The following ST3GAL6 variants were observed in gnomAD, a reference collection of about 807,000 sequenced individuals.
ST3GAL6 encodes type 2 lactosamine alpha-2,3-sialyltransferase.
A neutral mutation model predicts 40.5 loss-of-function variants in ST3GAL6; 31 were observed. The ratio of observed to expected loss-of-function variants is 0.77; its 90% CI spans 0.58 to 1.03. ST3GAL6 has a LOEUF of 1.03. ST3GAL6 is among the 50% of genes least tolerant of loss of function. ST3GAL6 has a pLI of 0.00. For missense variants in ST3GAL6, 357 were observed against 393.2 expected (o/e 0.91, Z 0.78); for synonymous variants, 129 against 136.9 (o/e 0.94, Z 0.40).
At chr3:98,738,483 G>A (rs914354172) in intron 1 of ST3GAL6, among the ~76,000 whole-genome samples, 3 of 152,082 alleles carry the variant, frequency 2.0e-5, no homozygotes. Flanking sequence ...TCACTGAGTT[G>A]CCCAGTCTAG....
intron 1 of ST3GAL6, among the ~76,000 whole-genome samples, chr3:98,739,442 T>C: frequency 6.6e-6 from 1 of 152,148 alleles, no homozygotes; most frequent in East Asian, 1.9e-4. Flanking sequence ...CACAGACCTC[T>C]TGTCTTTGAG....
rs892070457 is a variant in ST3GAL6, at chr3:98,772,794, C to G, written c.168-19C>G. 4 of 1,589,528 alleles carry G rather than the reference C, an allele frequency of 2.5e-6. No individual in the cohort carries two copies. Among genetic ancestry groups the G allele is most frequent in the Non-Finnish European group, 3.5e-6 (4 of 1,158,770 alleles). On this transcript the variant is annotated intron_variant, in intron 3 of 9. Transcript: ENST00000483910. Reference sequence around the variant, plus strand: ...ATAGTAGGTATTTGGCAAAATCATTCTTTATCCTTTCCTTCCAGGTTTCAT... The same window carrying G: ...ATAGTAGGTATTTGGCAAAATCATTGTTTATCCTTTCCTTCCAGGTTTCAT...
chr3:98,747,300 T>A (rs1936635354), intron 1 of ST3GAL6, among the ~76,000 whole-genome samples: 1 of 152,236 alleles, frequency 6.6e-6, no homozygotes, highest in Non-Finnish European at 1.5e-5. Flanking sequence ...TATTATAGAT[T>A]CACATAAACT....
At chr3:98,779,326 A>G (rs577874587) in intron 5 of ST3GAL6, among the ~76,000 whole-genome samples, 1 of 152,340 alleles carries the variant, frequency 6.6e-6, no homozygotes, top group East Asian at 1.9e-4. Flanking sequence ...TGTCTAGATG[A>G]AACATTGGCA....
intron 1 of ST3GAL6, among the ~76,000 whole-genome samples, chr3:98,766,219 G>A (rs561412227): frequency 2.6e-5 from 4 of 152,048 alleles, no homozygotes; most frequent in Admixed American, 1.3e-4. Context: ...CCATACCTCC[G>A]TGTTCTGTAG....
At chr3:98,771,698 A>G (rs1252660225) in intron 3 of ST3GAL6, among the ~76,000 whole-genome samples, 1 of 152,104 alleles carries the variant, frequency 6.6e-6, no homozygotes, top group African/African-American at 2.4e-5. Context: ...AGATCCCTTT[A>G]CAATCAATCA....
At chr3:98,783,522 T>C (rs1940389294) in intron 5 of ST3GAL6, 2 of 974,644 alleles carry the variant, frequency 2.1e-6, no homozygotes, top group Non-Finnish European at 1.2e-6. Context: ...AAATCAAATA[T>C]AATATGTCTG....
At chr3:98,758,501 G>C (rs1380555172), upstream of ST3GAL6, among the ~76,000 whole-genome samples, 3 of 152,150 alleles carry the variant, frequency 2.0e-5, no homozygotes, top group Non-Finnish European at 2.9e-5. Context: ...GCATAAAAAA[G>C]ATATGGTTTC....
intron 1 of ST3GAL6, among the ~76,000 whole-genome samples, chr3:98,735,510 G>A (rs1433937502): frequency 1.3e-5 from 2 of 152,154 alleles, no homozygotes; most frequent in African/African-American, 4.8e-5. Flanking sequence ...ATCAGGGTCT[G>A]GCGAAATCTA....
chr3:98,742,011 C>T (rs946500323), intron 1 of ST3GAL6, among the ~76,000 whole-genome samples: 2 of 152,092 alleles, frequency 1.3e-5, no homozygotes, highest in Non-Finnish European at 2.9e-5. Context: ...TGGCCTCGAA[C>T]CTTTCAGTAC....
At chr3:98,739,850 C>T (rs949379709) in intron 1 of ST3GAL6, among the ~76,000 whole-genome samples, 3 of 152,084 alleles carry the variant, frequency 2.0e-5, no homozygotes, top group African/African-American at 7.2e-5. Flanking sequence ...ATAATCCAGG[C>T]ATTCAAATAG....
chr3:98,789,209 A>G (rs1321917426), intron 8 of ST3GAL6, among the ~76,000 whole-genome samples: 1 of 152,208 alleles, frequency 6.6e-6, no homozygotes, highest in African/African-American at 2.4e-5. Flanking sequence ...ATAAATATAC[A>G]TCATGTATTT....
chr3:98,783,547 T>G (rs1940391643), intron 5 of ST3GAL6: 1 of 981,386 alleles, frequency 1.0e-6, no homozygotes, highest in Non-Finnish European at 1.2e-6. Context: ...TGATTTCATT[T>G]TTGCTCCATC....
intron 1 of ST3GAL6, among the ~76,000 whole-genome samples, chr3:98,754,802 G>T (rs1007897795): frequency 2.6e-5 from 4 of 152,218 alleles, no homozygotes; most frequent in African/African-American, 9.7e-5. Flanking sequence ...TTATAACTCA[G>T]TGAAGGCTCA....
upstream of ST3GAL6, among the ~76,000 whole-genome samples, chr3:98,761,350 G>A (rs1937741498): frequency 6.6e-6 from 1 of 152,168 alleles, no homozygotes; most frequent in Non-Finnish European, 1.5e-5. Flanking sequence ...GCTGATGCCT[G>A]TAATCCCAGC....
intron 1 of ST3GAL6, among the ~76,000 whole-genome samples, chr3:98,764,551 TTA>T: frequency 6.6e-6 from 1 of 152,180 alleles, no homozygotes. Flanking sequence ...TCAGTAATGT[TTA>T]GTCTGGTAGC....
intron 5 of ST3GAL6, among the ~76,000 whole-genome samples, chr3:98,777,310 T>G (rs1218195980): frequency 6.6e-6 from 1 of 152,238 alleles, no homozygotes. Flanking sequence ...CCATATTTAG[T>G]GCCATCAAGG....
At chr3:98,759,910 ATAG>A (rs1937608637), upstream of ST3GAL6, among the ~76,000 whole-genome samples, 2 of 152,188 alleles carry the variant, frequency 1.3e-5, no homozygotes, top group Non-Finnish European at 2.9e-5. Context: ...ACTGACACTA[ATAG>A]TAGATGGAAG....
chr3:98,756,403 T>C lies in ST3GAL6; in HGVS notation c.-11-12027T>C, dbSNP rs72932644. 1.8e-4 allele frequency: 236 copies of C among 1,289,830 alleles called. No homozygotes were observed. In the African/African-American group the frequency reaches 3.5e-3, roughly 19 times the overall value. 79.9% of individuals were successfully genotyped at this position (1,289,830 alleles called of 1,614,324 possible). On this transcript the variant is annotated intron_variant, in intron 1 of 9. Transcript: ENST00000265261. ...GTGAGGAAGCAGCACAACCCTGGGT[T>C]TTAGATAATTTCTAACAGAGAGGCC...
Sources: gnomAD v4.1 joint callset for allele counts (sites outside exome capture counted in the v4.1 genomes callset) on GRCh38, gnomAD v4.1.1 for gene constraint, MANE v1.5 for transcripts, NCBI Gene and HGNC (gene_info 2026-07-23, HGNC 2026-07-21) for gene names.